Variants in UNC13C observed in about 807,000 individuals in gnomAD.
UNC13C encodes unc-13 homolog C.
UNC13C carries 174 observed loss-of-function variants against 245.4 expected under a neutral mutation model. That is an observed-to-expected ratio of 0.71 (90% CI 0.63 to 0.80). The LOEUF is 0.80. Among genes scored for constraint, UNC13C ranks in the 30% least tolerant of loss-of-function variants. The probability of loss-of-function intolerance (pLI) is 0.00; values close to 1 mark genes in which losing one functional copy is unlikely to be tolerated. For missense variants in UNC13C, 2,829 were observed against 2,602.9 expected, an observed-to-expected ratio of 1.09 and a Z score of -1.89; for synonymous variants, 992 against 895.1, an observed-to-expected ratio of 1.11 and a Z score of -1.93.
At position 54,592,492 on chromosome 15, in the gene UNC13C, A is replaced by G. The variant is rs534185406; in HGVS notation, c.6106+24545A>G. ...TTGGGAGCTCCAGTGTTAGCTGTAT[A>G]TATGTTTAGGATTGTGATATTTTCC... On this transcript the variant is annotated intron_variant, in intron 30 of 32. Transcript: ENST00000260323. Among the ~76,000 whole-genome samples the G allele has an allele frequency of 7.2e-5, 11 of 152,254 alleles. No individual in the cohort carries two copies. In the East Asian group the frequency reaches 1.9e-3, roughly 27 times the overall value.
chr15:54,152,405 C>T (rs2032560132), intron 4 of UNC13C, among the ~76,000 whole-genome samples: 1 of 152,118 alleles, frequency 6.6e-6, no homozygotes, highest in Non-Finnish European at 1.5e-5. Flanking sequence ...TTTGCTTATT[C>T]AACATTTATA....
chr15:54,143,145 T>A (rs991779112), intron 3 of UNC13C, 105 bp downstream of exon 3: 14 of 1,085,508 alleles, frequency 1.3e-5, no homozygotes, highest in Non-Finnish European at 1.9e-5. Context: ...AGTTTTGAAA[T>A]GTGCATGTTA....
chr15:54,171,516 T>C (rs2033397707), intron 4 of UNC13C, among the ~76,000 whole-genome samples: 3 of 152,138 alleles, frequency 2.0e-5, no homozygotes, highest in African/African-American at 7.2e-5. Context: ...TCAATGTCAT[T>C]GATCACCAGG....
At chr15:54,524,874 C>A (rs1332931520) in intron 24 of UNC13C, among the ~76,000 whole-genome samples, 1 of 152,112 alleles carries the variant, frequency 6.6e-6, no homozygotes, top group African/African-American at 2.4e-5. Context: ...AGTCACGTTC[C>A]AATTTCAGAG....
chr15:54,434,376 A>T (rs2040936530), intron 19 of UNC13C, among the ~76,000 whole-genome samples: 1 of 152,166 alleles, frequency 6.6e-6, no homozygotes, highest in Non-Finnish European at 1.5e-5. Flanking sequence ...TGGTACTGGT[A>T]CCAAACCAGA....
chr15:54,388,059 A>G (rs1220815141), intron 17 of UNC13C, among the ~76,000 whole-genome samples: 2 of 152,012 alleles, frequency 1.3e-5, no homozygotes, highest in African/African-American at 4.8e-5. Context: ...AGAGCCCTTC[A>G]CCTAATCTCC....
At chr15:54,298,968 G>A (rs1350875809) in intron 12 of UNC13C, among the ~76,000 whole-genome samples, 2 of 152,056 alleles carry the variant, frequency 1.3e-5, no homozygotes, top group Admixed American at 6.6e-5. Context: ...ATGAGGAACC[G>A]TGTTTAAATC....
rs76599850 is a variant in UNC13C at position 54,256,974 on chromosome 15, G to A, written c.3448+6530G>A. Among the ~76,000 whole-genome samples the A allele has an allele frequency of 2.7e-3, 415 of 152,242 alleles. 1 individual carries two copies. The highest frequency in any genetic ancestry group is 3.9e-3 in the African/African-American group (162 of 41,540). ...TTTGGCGCTCTTTGAAATTGTTTACGTCCAAGGAAAGAACAATGTAGCCTA... is the reference window on the plus strand; with the variant it reads ...TTTGGCGCTCTTTGAAATTGTTTACATCCAAGGAAAGAACAATGTAGCCTA... On this transcript the variant is annotated intron_variant, in intron 8 of 32. Transcript: ENST00000260323.
the UNC13C span, among the ~76,000 whole-genome samples, chr15:53,861,329 A>T: frequency 6.6e-6 from 1 of 152,200 alleles, no homozygotes; most frequent in Non-Finnish European, 1.5e-5. Context: ...GTGTTTATAC[A>T]AGGATATAAT....
chr15:54,229,632 G>T (rs1213505207), intron 4 of UNC13C, among the ~76,000 whole-genome samples: 1 of 152,022 alleles, frequency 6.6e-6, no homozygotes, highest in Non-Finnish European at 1.5e-5. Flanking sequence ...TATGGGGTGA[G>T]TACACTTAAC....
chr15:54,324,005 C>T (rs1211603601), intron 14 of UNC13C, among the ~76,000 whole-genome samples: 1 of 151,962 alleles, frequency 6.6e-6, no homozygotes, highest in Non-Finnish European at 1.5e-5. Context: ...AGATTGATTT[C>T]AGTACATTTT....
chr15:54,132,393 T>C (rs903143474), intron 2 of UNC13C, among the ~76,000 whole-genome samples: 3 of 152,106 alleles, frequency 2.0e-5, no homozygotes, highest in Non-Finnish European at 2.9e-5. Context: ...TAGATTACTG[T>C]TGAGGCTGTA....
chr15:54,162,733 T>C (rs1439080117), intron 4 of UNC13C, among the ~76,000 whole-genome samples: 1 of 152,182 alleles, frequency 6.6e-6, no homozygotes, highest in Non-Finnish European at 1.5e-5. Flanking sequence ...TAATATGACT[T>C]TTAGTTTCCA....
rs921229927 is a variant in UNC13C, at chr15:54,579,578, A to G, written c.6106+11631A>G. On this transcript the variant is annotated intron_variant, in intron 30 of 32. Coordinates refer to ENST00000260323, the MANE Select transcript of UNC13C (RefSeq NM_001080534.3). ...TCGAGACCTTCCAGCTAACACAGTG[A>G]AACCTCGTCTCTACTAAAAATACAA... Among the ~76,000 whole-genome samples the G allele has an allele frequency of 7.9e-5, 12 of 152,198 alleles. No homozygotes were observed. In the East Asian group the frequency reaches 1.2e-3, roughly 15 times the overall value.
chr15:54,013,508 C>T lies in UNC13C; in HGVS notation c.605C>T (p.Thr202Ile), dbSNP rs1895483285. ...ECVSSDSELS[T>I]MKKSWGIRSK... ...GTCTCCTCAGACTCAGAGTTAAGCA[C>T]CATGAAAAAATCCTGGGGAATAAGA... Residue 202 changes from threonine to isoleucine, a missense_variant, in exon 2 of 33, where the codon ACC becomes ATC. Transcript: ENST00000260323. 1.2e-6 allele frequency: 2 copies of T among 1,613,774 alleles called. No individual in the cohort carries two copies. The highest frequency in any genetic ancestry group is 1.7e-6 in the Non-Finnish European group (2 of 1,179,824).
At chr15:54,483,557 G>A (rs552192965) in intron 19 of UNC13C, among the ~76,000 whole-genome samples, 20 of 152,036 alleles carry the variant, frequency 1.3e-4, no homozygotes, top group South Asian at 4.2e-4. Flanking sequence ...GTGCAGTGGC[G>A]CGATCTCAGC....
chr15:53,991,504 G>T (rs1175240385), intron 1 of UNC13C, among the ~76,000 whole-genome samples: 1 of 151,990 alleles, frequency 6.6e-6, no homozygotes, highest in Non-Finnish European at 1.5e-5. Context: ...TGTCTCAGCT[G>T]CTGGCAGATT....
At chr15:54,060,278 A>G (rs1372700901) in intron 2 of UNC13C, among the ~76,000 whole-genome samples, 1 of 152,160 alleles carries the variant, frequency 6.6e-6, no homozygotes, top group African/African-American at 2.4e-5. Context: ...GAAGAAAAAA[A>G]CAAACAACCC....
intron 17 of UNC13C, among the ~76,000 whole-genome samples, chr15:54,388,781 G>C (rs2039892288): frequency 6.6e-6 from 1 of 151,668 alleles, no homozygotes; most frequent in Non-Finnish European, 1.5e-5. Flanking sequence ...CTCTCTTTTT[G>C]AGTAATCTAA....
Sources: allele counts gnomAD v4.1 joint callset (sites outside exome capture counted in the v4.1 genomes callset), GRCh38; gene constraint gnomAD v4.1.1; transcripts MANE v1.5; gene names NCBI Gene and HGNC (gene_info 2026-07-23, HGNC 2026-07-21).